Variants in MBNL1 observed in about 807,000 individuals in gnomAD.
MBNL1 encodes muscleblind-like protein 1.
MBNL1 carries 8 observed loss-of-function variants against 42.2 expected under a neutral mutation model. The observed-to-expected ratio is 0.19, with a 90% CI of 0.11 to 0.34. The LOEUF is 0.34. Among genes scored for constraint, MBNL1 ranks in the 10% least tolerant of loss-of-function variants. The pLI, the probability that MBNL1 is intolerant of heterozygous loss-of-function variation, is 1.00. For missense variants in MBNL1, 309 were observed against 495.3 expected (o/e 0.62, Z 3.57); for synonymous variants, 169 against 173.9 (o/e 0.97, Z 0.22).
At chr3:152,271,013 A>C (rs2041303378) in intron 1 of MBNL1, among the ~76,000 whole-genome samples, 1 of 152,244 alleles carries the variant, frequency 6.6e-6, no homozygotes, top group Non-Finnish European at 1.5e-5. Context: ...TAAGAGACTC[A>C]GAAAAACCTC....
rs376293259 is a variant in MBNL1 at position 152,460,982 on chromosome 3, A to C, written c.*19-1403A>C. On this transcript the variant is annotated intron_variant, in intron 9 of 9. Transcript: ENST00000324210. ...GTTTGAAGAAATTTCTCTTAGAGCA[A>C]AGATGAAGGAGCAGCTGTTCCCAAC... Among the ~76,000 whole-genome samples the C allele has an allele frequency of 3.8e-4, 58 of 152,326 alleles. No individual in the cohort carries two copies. In the South Asian group the frequency reaches 0.012, roughly 32 times the overall value.
intron 5 of MBNL1, 59 bp downstream of exon 5, chr3:152,445,598 A>G (rs146912867): frequency 2.0e-5 from 31 of 1,518,616 alleles, no homozygotes; most frequent in Non-Finnish European, 2.7e-5. Context: ...GTGAGCAACT[A>G]TATCTGACTA....
At chr3:152,285,235 G>T (rs1361755375) in intron 1 of MBNL1, among the ~76,000 whole-genome samples, 1 of 152,006 alleles carries the variant, frequency 6.6e-6, no homozygotes, top group Admixed American at 6.6e-5. Context: ...CCTTCTTTTG[G>T]CTTCTGTTGT....
chr3:152,329,096 A>AG (rs976773627), intron 2 of MBNL1, among the ~76,000 whole-genome samples: 7 of 152,256 alleles, frequency 4.6e-5, no homozygotes, highest in African/African-American at 1.7e-4. Flanking sequence ...AGGTAGGGGC[A>AG]GGGGGATGAA....
At chr3:152,368,454 A>G (rs768380080) in intron 2 of MBNL1, among the ~76,000 whole-genome samples, 10 of 152,170 alleles carry the variant, frequency 6.6e-5, no homozygotes, top group Non-Finnish European at 1.5e-4. Context: ...TGATGCCACC[A>G]GCATTGTTCT....
At chr3:152,372,261 C>T (rs1020797492) in intron 2 of MBNL1, among the ~76,000 whole-genome samples, 3 of 152,058 alleles carry the variant, frequency 2.0e-5, no homozygotes, top group Non-Finnish European at 2.9e-5. Context: ...TCCTTTAGCT[C>T]GGAGGAGTTA....
chr3:152,423,204 A>T (rs1343161500), intron 3 of MBNL1, among the ~76,000 whole-genome samples: 1 of 152,244 alleles, frequency 6.6e-6, no homozygotes, highest in African/African-American at 2.4e-5. Flanking sequence ...AGCCAGACTA[A>T]TAAGAGAAGA....
At chr3:152,307,599 T>C (rs1017382333) in intron 2 of MBNL1, among the ~76,000 whole-genome samples, 2 of 152,200 alleles carry the variant, frequency 1.3e-5, no homozygotes, top group African/African-American at 4.8e-5. Context: ...ATTTCACAGA[T>C]GGACACACTG....
chr3:152,346,682 C>T (rs748636038), intron 2 of MBNL1, among the ~76,000 whole-genome samples: 2 of 151,960 alleles, frequency 1.3e-5, no homozygotes, highest in African/African-American at 4.8e-5. Flanking sequence ...TTATCATTTA[C>T]GTCAAAAATG....
chr3:152,340,851 A>AT (rs1274407543), intron 2 of MBNL1: 2 of 1,613,906 alleles, frequency 1.2e-6, no homozygotes, highest in Admixed American at 3.3e-5. Context: ...CCAGTGCTGC[A>AT]TAGACAAAGC....
At chr3:152,414,809 C>A in intron 2 of MBNL1, 132 bp from the exon 3 acceptor site, 2 of 772,470 alleles carry the variant, frequency 2.6e-6, no homozygotes, top group Non-Finnish European at 4.2e-6. Flanking sequence ...AATGTATGAT[C>A]AAATGATATG....
At chr3:152,388,758 G>T (rs369660877) in intron 2 of MBNL1, among the ~76,000 whole-genome samples, 12 of 152,212 alleles carry the variant, frequency 7.9e-5, no homozygotes, top group African/African-American at 2.9e-4. Context: ...TTTATTAATG[G>T]TATTTAGTAG....
chr3:152,389,916 C>CGAG (rs1206604763), intron 2 of MBNL1, among the ~76,000 whole-genome samples: 2 of 151,924 alleles, frequency 1.3e-5, no homozygotes, highest in African/African-American at 4.8e-5. Context: ...CGCTCTGTTG[C>CGAG]CCAGGCTGGA....
chr3:152,396,832 A>G (rs1353839177), intron 2 of MBNL1, among the ~76,000 whole-genome samples: 1 of 152,182 alleles, frequency 6.6e-6, no homozygotes, highest in Non-Finnish European at 1.5e-5. Context: ...CATCTTTTCA[A>G]TTGCTCGAAC....
intron 2 of MBNL1, among the ~76,000 whole-genome samples, chr3:152,262,195 G>C (rs896258261): frequency 1.3e-5 from 2 of 152,110 alleles, no homozygotes; most frequent in African/African-American, 4.8e-5. Context: ...TGATGCCTAA[G>C]TTAATATATT....
At position 152,389,538 on chromosome 3, in the gene MBNL1, C is replaced by T. The variant is rs534926843; in HGVS notation, c.175-25403C>T. On this transcript the variant is annotated intron_variant, in intron 2 of 9. Coordinates refer to ENST00000324210, the MANE Select transcript of MBNL1 (RefSeq NM_021038.5). ...ACATATCCAGGCTATGTGGTTATAGCCTATTGCTTCTAGGCTGGAAACCTG... is the reference window on the plus strand; with the variant it reads ...ACATATCCAGGCTATGTGGTTATAGTCTATTGCTTCTAGGCTGGAAACCTG... Among the ~76,000 whole-genome samples the T allele has an allele frequency of 6.4e-4, 98 of 152,278 alleles. 1 individual carries two copies. The highest frequency in any genetic ancestry group is 2.3e-3 in the African/African-American group (95 of 41,550).
chr3:152,342,196 A>G (rs2093390725), intron 2 of MBNL1, among the ~76,000 whole-genome samples: 1 of 152,082 alleles, frequency 6.6e-6, no homozygotes, highest in Admixed American at 6.6e-5. Context: ...AGTGAGTGCC[A>G]GTTCTCAAAT....
At chr3:152,315,042 T>C (rs1420502369) in intron 2 of MBNL1, among the ~76,000 whole-genome samples, 3 of 152,268 alleles carry the variant, frequency 2.0e-5, no homozygotes, top group Admixed American at 6.5e-5. Context: ...ATTGTATTAC[T>C]TGATGTTGAA....
chr3:152,368,965 A>G (rs933321427), intron 2 of MBNL1, among the ~76,000 whole-genome samples: 2 of 152,202 alleles, frequency 1.3e-5, no homozygotes, highest in African/African-American at 4.8e-5. Context: ...GACAGAGACA[A>G]TTTGACTTCC....
Sources: allele counts gnomAD v4.1 joint callset (sites outside exome capture counted in the v4.1 genomes callset), GRCh38; gene constraint gnomAD v4.1.1; transcripts MANE v1.5; gene names NCBI Gene and HGNC (gene_info 2026-07-23, HGNC 2026-07-21).